COMMD1: variants seen among roughly 807,000 people sequenced by gnomAD.
COMMD1 encodes the protein COMM domain-containing protein 1.
Under a neutral mutation model 17.2 loss-of-function variants are expected in COMMD1, and 10 were observed. The observed-to-expected ratio is 0.58, with a 90% confidence interval of 0.36 to 0.99. The LOEUF is 0.99. Among genes scored for constraint, COMMD1 ranks in the 50% least tolerant of loss-of-function variants. The pLI, the probability that COMMD1 is intolerant of heterozygous loss-of-function variation, is 0.01. For synonymous variants in COMMD1, 97 were observed against 91.6 expected, an observed-to-expected ratio of 1.06 and a Z score of -0.34; for missense variants, 270 against 231.8, an observed-to-expected ratio of 1.17 and a Z score of -1.07.
intron 1 of COMMD1, among the ~76,000 whole-genome samples, chr2:61,897,649 T>G (rs1304826729): frequency 2.6e-5 from 4 of 152,190 alleles, no homozygotes. Flanking sequence ...CTCAGGAGGC[T>G]GAGGCAGGAG....
At chr2:61,958,552 G>T (rs1671255512) in intron 1 of COMMD1, among the ~76,000 whole-genome samples, 1 of 152,078 alleles carries the variant, frequency 6.6e-6, no homozygotes, top group East Asian at 1.9e-4. Flanking sequence ...CAGATGTGAG[G>T]TACCTTGCCT....
chr2:61,939,173 G>C (rs1278188895), intron 1 of COMMD1, among the ~76,000 whole-genome samples: 1 of 152,004 alleles, frequency 6.6e-6, no homozygotes, highest in Non-Finnish European at 1.5e-5. Flanking sequence ...GATTGGCTTG[G>C]CCGGGCGCGG....
At chr2:61,968,598 C>A (rs909419467) in intron 1 of COMMD1, among the ~76,000 whole-genome samples, 2 of 152,124 alleles carry the variant, frequency 1.3e-5, no homozygotes, top group Non-Finnish European at 2.9e-5. Flanking sequence ...CACTCTGTTG[C>A]TGGGCTGGAG....
intron 1 of COMMD1, among the ~76,000 whole-genome samples, chr2:61,959,037 A>G (rs1224648093): frequency 1.3e-5 from 2 of 151,922 alleles, no homozygotes; most frequent in Admixed American, 1.3e-4. Flanking sequence ...AACTCATTGT[A>G]CTAGTTTTAC....
intron 1 of COMMD1, among the ~76,000 whole-genome samples, chr2:61,958,348 C>T (rs1244415168): frequency 6.6e-6 from 1 of 151,572 alleles, no homozygotes; most frequent in Non-Finnish European, 1.5e-5. Flanking sequence ...CTCACCACAA[C>T]CTCTGCCTCC....
intron 2 of COMMD1, among the ~76,000 whole-genome samples, chr2:62,130,280 T>C (rs1357538355): frequency 6.6e-6 from 1 of 151,302 alleles, no homozygotes; most frequent in African/African-American, 2.4e-5. Flanking sequence ...CTTTTTTTTT[T>C]TTTTTCTTTT....
At chr2:62,082,113 A>G (rs1014210959) in intron 2 of COMMD1, among the ~76,000 whole-genome samples, 28 of 152,340 alleles carry the variant, frequency 1.8e-4, no homozygotes, top group African/African-American at 6.5e-4. Context: ...ATGGAGGGTT[A>G]GGAATTAGAT....
At chr2:61,990,903 T>TATACACACACAC (rs776666143) in intron 1 of COMMD1, among the ~76,000 whole-genome samples, 10 of 116,160 alleles carry the variant, frequency 8.6e-5, no homozygotes, top group Non-Finnish European at 1.7e-4. Flanking sequence ...TATATATATA[T>TATACACACACAC]ACACACACAC....
chr2:61,895,948 C>G (rs1669540516), intron 1 of COMMD1, among the ~76,000 whole-genome samples: 1 of 152,200 alleles, frequency 6.6e-6, no homozygotes, highest in South Asian at 2.1e-4. Context: ...TGGTAACAAG[C>G]TTGCCAACTG....
chr2:61,930,774 A>G (rs182153976), intron 1 of COMMD1, among the ~76,000 whole-genome samples: 1 of 151,792 alleles, frequency 6.6e-6, no homozygotes, highest in East Asian at 1.9e-4. Flanking sequence ...GTTGCTTGAT[A>G]GGCATGGAAT....
intron 1 of COMMD1, among the ~76,000 whole-genome samples, chr2:61,998,460 A>G (rs989425483): frequency 3.9e-5 from 6 of 151,990 alleles, no homozygotes; most frequent in African/African-American, 1.4e-4. Context: ...GGGTTTCACC[A>G]TGTTGTCCAG....
intron 1 of COMMD1, among the ~76,000 whole-genome samples, chr2:61,909,595 A>G (rs1669854349): frequency 1.3e-5 from 2 of 152,198 alleles, no homozygotes; most frequent in Non-Finnish European, 2.9e-5. Context: ...GGAGGCAAGA[A>G]AAAAATGAAA....
At chr2:61,984,790 C>A (rs1026070619) in intron 1 of COMMD1, among the ~76,000 whole-genome samples, 1 of 152,128 alleles carries the variant, frequency 6.6e-6, no homozygotes, top group African/African-American at 2.4e-5. Flanking sequence ...TGGGGTCTGT[C>A]TCTTTAGCTC....
intron 2 of COMMD1, among the ~76,000 whole-genome samples, chr2:62,074,809 G>A (rs1211470248): frequency 6.6e-6 from 1 of 151,534 alleles, no homozygotes; most frequent in Non-Finnish European, 1.5e-5. Context: ...AGCCATTAAG[G>A]CATAGATTGC....
chr2:61,889,438 C>G (rs551941629), intron 1 of COMMD1, among the ~76,000 whole-genome samples: 1 of 152,122 alleles, frequency 6.6e-6, no homozygotes, highest in East Asian at 1.9e-4. Flanking sequence ...CTGACCTCCC[C>G]GGCTCAAAGC....
chr2:62,006,914 T>G (rs903838925), intron 2 of COMMD1, among the ~76,000 whole-genome samples: 2 of 152,194 alleles, frequency 1.3e-5, no homozygotes, highest in Non-Finnish European at 2.9e-5. Context: ...TTTCTTCTTT[T>G]TAGGCTTGAA....
At chr2:62,100,791 G>C (rs1672157560) in intron 2 of COMMD1, among the ~76,000 whole-genome samples, 1 of 152,114 alleles carries the variant, frequency 6.6e-6, no homozygotes, top group African/African-American at 2.4e-5. Flanking sequence ...CTAGACTTTA[G>C]CTAATCTCTT....
chr2:61,905,639 G>A (rs975930868), upstream of COMMD1: 4 of 1,500,102 alleles, frequency 2.7e-6, no homozygotes, highest in Non-Finnish European at 2.7e-6. Context: ...GCCGTGGCGG[G>A]GCACGGCTCA....
chr2:61,901,661 T>C (rs1225347319), upstream of COMMD1, among the ~76,000 whole-genome samples: 1 of 152,154 alleles, frequency 6.6e-6, no homozygotes, highest in Admixed American at 6.5e-5. Flanking sequence ...CTACTACTTA[T>C]TTAATTTTTT....
Sources: gnomAD v4.1 joint callset for allele counts (sites outside exome capture counted in the v4.1 genomes callset) on GRCh38, gnomAD v4.1.1 for gene constraint, MANE v1.5 for transcripts, NCBI Gene and HGNC (gene_info 2026-07-23, HGNC 2026-07-21) for gene names.